KARS1: variants seen among roughly 807,000 people sequenced by gnomAD.
KARS1 encodes lysine--tRNA ligase.
KARS1 carries 50 observed loss-of-function variants against 63.9 expected under a neutral mutation model. The observed-to-expected ratio is 0.78, with a 90% CI of 0.62 to 0.99. The LOEUF is 0.99. KARS1 is among the 50% of genes least tolerant of loss of function. The pLI, the probability that KARS1 is intolerant of heterozygous loss-of-function variation, is 0.00. For missense variants in KARS1, 816 were observed against 754.5 expected, an observed-to-expected ratio of 1.08 and a Z score of -0.95; for synonymous variants, 320 against 264.6, an observed-to-expected ratio of 1.21 and a Z score of -2.03.
Position 75,635,770 on chromosome 16 carries a change from G to T in KARS1, c.705C>A (p.Ile235=). Residue 235 remains isoleucine, a synonymous_variant, in exon 6 of 14, where the codon ATC becomes ATA. Transcript: ENST00000302445. ...TRYRQRYLDL[I]LNDFVRQKFI... is the part of the protein sequence containing the mutation. ...ATTTCTGCCTCACAAAGTCATTCAG[G>T]ATCAAGTCCAAGTATCTCTGGCGAT... The T allele has an allele frequency of 6.2e-7, 1 of 1,614,114 alleles. No homozygotes were observed. The highest frequency in any genetic ancestry group is 8.5e-7 in the Non-Finnish European group (1 of 1,179,992).
At chr16:75,632,484 T>C (rs1364462213) in intron 7 of KARS1, among the ~76,000 whole-genome samples, 1 of 152,162 alleles carries the variant, frequency 6.6e-6, no homozygotes, top group Non-Finnish European at 1.5e-5. Context: ...TCAGATACAC[T>C]TGTGAGACTT....
At chr16:75,632,825 G>A (rs4888440) in intron 7 of KARS1, among the ~76,000 whole-genome samples, 19,792 of 152,198 alleles carry the variant, frequency 0.13, 2,865 homozygotes, top group East Asian at 0.71. Context: ...ATTGGGGAAA[G>A]TTATAAGGAA....
chr16:75,630,939 C>G (rs1254742560), intron 10 of KARS1, among the ~76,000 whole-genome samples: 3 of 152,090 alleles, frequency 2.0e-5, no homozygotes, highest in African/African-American at 7.2e-5. Context: ...CCACCCTACC[C>G]TATAGCTTTT....
chr16:75,633,822 T>C, intron 7 of KARS1: 1 of 343,798 alleles, frequency 2.9e-6, no homozygotes, highest in Non-Finnish European at 5.7e-6. Flanking sequence ...GGCCTGAAGA[T>C]GCTTATTTCC....
At position 75,635,945 on chromosome 16, in the gene KARS1, C is replaced by T. The variant is rs138927699; in HGVS notation, c.636G>A (p.Met212Ile). ...EITLLSPCLH[M>I]LPHLHFGLKD... ...TGAGGCCAAAGTGAAGATGAGGTAA[C>T]ATATGCAAACAGGGAGACAGCAGTG... The change falls in exon 5 of 14, where the codon ATG (methionine) becomes ATA (isoleucine). Residue 212 changes from methionine (M) to isoleucine (I), a missense_variant. Coordinates refer to ENST00000302445, the MANE Select transcript of KARS1 (RefSeq NM_005548.3). The T allele has an allele frequency of 5.0e-6, 8 of 1,614,056 alleles. No homozygotes were observed. Among genetic ancestry groups the T allele is most frequent in the Non-Finnish European group, 5.9e-6 (7 of 1,180,034 alleles).
At chr16:75,629,258 G>A (rs1597162372) in intron 12 of KARS1, among the ~76,000 whole-genome samples, 157 bp downstream of exon 12, 1 of 151,486 alleles carries the variant, frequency 6.6e-6, no homozygotes, top group Admixed American at 6.6e-5. Flanking sequence ...AATACCAGAT[G>A]AAGTCACCAT....
At chr16:75,641,744 T>C in intron 1 of KARS1, 21 bp from the exon 2 acceptor site, 1 of 1,613,018 alleles carries the variant, frequency 6.2e-7, no homozygotes, top group Non-Finnish European at 8.5e-7. Context: ...GATGAAAGCG[T>C]TCAATGTGTT....
chr16:75,634,114 C>A (rs1361243324), intron 7 of KARS1, 59 bp downstream of exon 7: 1 of 1,573,228 alleles, frequency 6.4e-7, no homozygotes, highest in East Asian at 2.2e-5. Flanking sequence ...ACCCATCTAG[C>A]CAGTGGTATT....
intron 10 of KARS1, 134 bp from the exon 11 acceptor site, chr16:75,630,642 A>G: frequency 2.7e-6 from 1 of 368,144 alleles, no homozygotes; most frequent in Non-Finnish European, 5.0e-6. Context: ...TATTATTATT[A>G]TTATTATTAT....
chr16:75,635,640 G>A, intron 6 of KARS1, 40 bp downstream of exon 6: 3 of 1,611,472 alleles, frequency 1.9e-6, no homozygotes, highest in Non-Finnish European at 2.5e-6. Flanking sequence ...GGCAAGCATT[G>A]CAAGGCAGCT....
rs1182764984 is a variant in KARS1 at position 75,647,408 on chromosome 16, T to C, written c.62+170A>G. ...GAACGGGGAGCCGGCGTGCCCGGGG[T>C]ATCCCGGGGTACGTGGTCTGCAGGG... On this transcript the variant is annotated intron_variant, in intron 1 of 13. Coordinates refer to ENST00000302445, the MANE Select transcript of KARS1 (RefSeq NM_005548.3). 5 of 699,096 alleles carry C rather than the reference T, an allele frequency of 7.2e-6. No individual in the cohort carries two copies. In the Admixed American group the frequency reaches 1.1e-4, roughly 15 times the overall value. 43.3% of individuals were successfully genotyped at this position (699,096 alleles called of 1,614,324 possible).
chr16:75,639,303 G>A (rs1316689420), intron 3 of KARS1, among the ~76,000 whole-genome samples: 3 of 151,892 alleles, frequency 2.0e-5, no homozygotes, highest in East Asian at 3.9e-4. Flanking sequence ...AGGGTGTGGC[G>A]GCTCACGCCT....
At chr16:75,632,242 G>A (rs1413220082) in intron 7 of KARS1, among the ~76,000 whole-genome samples, 1 of 152,174 alleles carries the variant, frequency 6.6e-6, no homozygotes, top group Non-Finnish European at 1.5e-5. Flanking sequence ...GTCTCCAAAA[G>A]CCGTAACTTG....
intron 1 of KARS1, among the ~76,000 whole-genome samples, chr16:75,646,782 G>A (rs948289813): frequency 3.3e-5 from 5 of 151,786 alleles, no homozygotes; most frequent in African/African-American, 1.2e-4. Flanking sequence ...GAGTAGCTGG[G>A]ATAACAAGTG....
At position 75,630,686 on chromosome 16, in the gene KARS1, A is replaced by T. The variant is rs1395315456; in HGVS notation, c.1339-178T>A. Among the ~76,000 whole-genome samples, 3 of 151,958 alleles carry T rather than the reference A, an allele frequency of 2.0e-5. No individual in the cohort carries two copies. In the South Asian group the frequency reaches 6.2e-4, roughly 32 times the overall value. On this transcript the variant is annotated intron_variant, in intron 10 of 13. Coordinates refer to ENST00000302445, the MANE Select transcript of KARS1 (RefSeq NM_005548.3). ...AGTCTCGCTCTGTCGCCCAGGCTGGAGTGCAGTGGCATGATCTCGGCTTGC... is the reference window on the plus strand; with the variant it reads ...AGTCTCGCTCTGTCGCCCAGGCTGGTGTGCAGTGGCATGATCTCGGCTTGC...
intron 1 of KARS1, chr16:75,647,346 G>C (rs2082298462): frequency 1.6e-6 from 1 of 617,836 alleles, no homozygotes; most frequent in Non-Finnish European, 2.9e-6. Flanking sequence ...CTTAACTCTA[G>C]GAGTATGATA....
rs111236795 is a variant in KARS1, at chr16:75,631,965, G to A, written c.916-110C>T. On this transcript the variant is annotated intron_variant, in intron 7 of 13. Transcript: ENST00000302445. Reference sequence around the variant, plus strand: ...TGCAATGGCAAGATCTCAGCTCACCGCAACCTCCGCCTCCTAGGTTCAAGC... The same window carrying A: ...TGCAATGGCAAGATCTCAGCTCACCACAACCTCCGCCTCCTAGGTTCAAGC... The A allele has an allele frequency of 2.9e-3, 3,621 of 1,260,380 alleles. 96 individuals are homozygous for A. In the African/African-American group the frequency reaches 0.044, roughly 15 times the overall value. The allele number at this position is 1,260,380 out of a possible 1,614,324, so 78.1% of individuals were successfully genotyped here. A position where few individuals can be genotyped will look rare whatever the true frequency, so the allele number is the denominator to read the frequency against.
chr16:75,638,959 G>C (rs1370377107), intron 3 of KARS1, among the ~76,000 whole-genome samples: 1 of 152,108 alleles, frequency 6.6e-6, no homozygotes, highest in Non-Finnish European at 1.5e-5. Context: ...CCTGAGGTCA[G>C]GAGTTCAAGA....
intron 3 of KARS1, among the ~76,000 whole-genome samples, chr16:75,637,329 G>A (rs997459414): frequency 1.3e-5 from 2 of 151,824 alleles, no homozygotes; most frequent in African/African-American, 4.8e-5. Context: ...GGAGAAATGG[G>A]GTATGGGAGG....
Sources: gnomAD v4.1 joint callset for allele counts (sites outside exome capture counted in the v4.1 genomes callset) on GRCh38, gnomAD v4.1.1 for gene constraint, MANE v1.5 for transcripts, NCBI Gene and HGNC (gene_info 2026-07-23, HGNC 2026-07-21) for gene names.